INPP4B: variants seen among roughly 807,000 people sequenced by gnomAD.
The protein encoded by INPP4B is inositol polyphosphate 4-phosphatase type II.
INPP4B carries 55 observed loss-of-function variants against 122.5 expected under a neutral mutation model. That is an observed-to-expected ratio of 0.45 (90% CI 0.36 to 0.56). The LOEUF (loss-of-function observed/expected upper bound fraction) is 0.56. INPP4B is among the 20% of genes least tolerant of loss of function. The pLI, the probability that INPP4B is intolerant of heterozygous loss-of-function variation, is 0.00. For missense variants in INPP4B, 1,000 were observed against 1,097.7 expected (o/e 0.91, Z 1.26); for synonymous variants, 403 against 388.7 (o/e 1.04, Z -0.43).
At chr4:142,649,823 C>A (rs934097373) in intron 2 of INPP4B, among the ~76,000 whole-genome samples, 75 of 152,168 alleles carry the variant, frequency 4.9e-4, no homozygotes, top group African/African-American at 1.8e-3. Flanking sequence ...CTTCCCCAAC[C>A]TAGCAAAGCA....
At chr4:142,088,410 A>T (rs1777852366) in intron 23 of INPP4B, among the ~76,000 whole-genome samples, 1 of 152,266 alleles carries the variant, frequency 6.6e-6, no homozygotes, top group African/African-American at 2.4e-5. Context: ...AATTATGTAC[A>T]GGTATATCGG....
intron 1 of INPP4B, among the ~76,000 whole-genome samples, chr4:142,729,932 T>A (rs1341269471): frequency 6.6e-6 from 1 of 151,370 alleles, no homozygotes; most frequent in Non-Finnish European, 1.5e-5. Flanking sequence ...CACCACCTCA[T>A]CTTTGGTCTT....
chr4:142,222,361 C>T (rs955687816), intron 12 of INPP4B, among the ~76,000 whole-genome samples: 6 of 152,130 alleles, frequency 3.9e-5, no homozygotes, highest in Non-Finnish European at 8.8e-5. Context: ...AAATGTAATC[C>T]ATCACCAAGT....
intron 25 of INPP4B, among the ~76,000 whole-genome samples, chr4:142,056,245 C>T (rs1423079157): frequency 2.0e-5 from 3 of 152,006 alleles, no homozygotes; most frequent in Non-Finnish European, 2.9e-5. Context: ...GGAACCCCTG[C>T]TTTAACCAAA....
At chr4:142,072,259 T>C (rs1456752414) in intron 25 of INPP4B, among the ~76,000 whole-genome samples, 1 of 151,910 alleles carries the variant, frequency 6.6e-6, no homozygotes, top group Non-Finnish European at 1.5e-5. Context: ...CACCACATGT[T>C]CTCACTCGTA....
In INPP4B at chr4:142,727,165, G is replaced by A. The variant is rs144704955; in HGVS notation, c.-253-1264C>T. On this transcript the variant is annotated intron_variant, in intron 1 of 25. Coordinates refer to ENST00000262992, the MANE Select transcript of INPP4B (RefSeq NM_001101669.3). ...CCTTCTGGGTCTTTCAGGCTGGTGG[G>A]TGAAAAAGATTGAATAGCAGTATTT... Among the ~76,000 whole-genome samples, 377 of 152,256 alleles carry A rather than the reference G, an allele frequency of 2.5e-3. 5 individuals are homozygous for A. Among genetic ancestry groups the A allele is most frequent in the East Asian group, 0.019 (96 of 5,166 alleles).
At position 142,085,506 on chromosome 4, in the gene INPP4B, C is replaced by T. The variant is rs543800728; in HGVS notation, c.2487+638G>A. On this transcript the variant is annotated intron_variant, in intron 24 of 25. Transcript: ENST00000262992. ...AAATTTCATGTGAGCTATGCCTCAA[C>T]GGTTACCAGATAAGAGCCTTAAAAA... Among the ~76,000 whole-genome samples the T allele has an allele frequency of 3.3e-5, 5 of 152,232 alleles. No homozygotes were observed. The East Asian group carries it at 5.8e-4, about 18-fold the overall frequency.
At chr4:142,497,453 A>AT (rs1199761314) in intron 2 of INPP4B, among the ~76,000 whole-genome samples, 1 of 152,176 alleles carries the variant, frequency 6.6e-6, no homozygotes, top group African/African-American at 2.4e-5. Flanking sequence ...AAAACCTCAA[A>AT]TTTATACAGA....
intron 12 of INPP4B, among the ~76,000 whole-genome samples, chr4:142,222,680 A>G (rs959925909): frequency 2.6e-5 from 4 of 152,226 alleles, no homozygotes; most frequent in Non-Finnish European, 5.9e-5. Context: ...CTGAAGCCTG[A>G]GTATTATTCC....
intron 1 of INPP4B, among the ~76,000 whole-genome samples, chr4:142,766,475 A>T (rs1476058452): frequency 6.6e-6 from 1 of 151,720 alleles, no homozygotes; most frequent in African/African-American, 2.4e-5. Context: ...ACCTCAAGTG[A>T]TTCTCCTGCC....
chr4:142,062,209 T>C (rs1465754098), intron 25 of INPP4B, among the ~76,000 whole-genome samples: 2 of 151,964 alleles, frequency 1.3e-5, no homozygotes, highest in Non-Finnish European at 2.9e-5. Flanking sequence ...CAAGGGAACA[T>C]CCTATGGCAT....
At chr4:142,588,386 G>T (rs1736687098) in intron 2 of INPP4B, among the ~76,000 whole-genome samples, 1 of 151,600 alleles carries the variant, frequency 6.6e-6, no homozygotes, top group African/African-American at 2.4e-5. Flanking sequence ...TAAATGACAT[G>T]ACTTATATGT....
At chr4:142,434,805 A>G (rs1398100851) in intron 3 of INPP4B, among the ~76,000 whole-genome samples, 3 of 152,134 alleles carry the variant, frequency 2.0e-5, no homozygotes, top group Non-Finnish European at 4.4e-5. Flanking sequence ...AGGGTGTCCA[A>G]TCTTTTGGCT....
intron 25 of INPP4B, among the ~76,000 whole-genome samples, chr4:142,050,004 T>G (rs1186080611): frequency 6.6e-6 from 1 of 151,996 alleles, no homozygotes; most frequent in Non-Finnish European, 1.5e-5. Context: ...TAAAGGCCTA[T>G]GTTCTTATCC....
At chr4:142,128,431 G>T (rs1799681416) in intron 18 of INPP4B, among the ~76,000 whole-genome samples, 1 of 151,760 alleles carries the variant, frequency 6.6e-6, no homozygotes, top group Non-Finnish European at 1.5e-5. Flanking sequence ...AGCTAAGGGT[G>T]CCCCACAATA....
intron 7 of INPP4B, among the ~76,000 whole-genome samples, chr4:142,329,096 C>T (rs1201526480): frequency 6.6e-6 from 1 of 152,208 alleles, no homozygotes; most frequent in Non-Finnish European, 1.5e-5. Context: ...GGAATAATCA[C>T]TTTATGAACT....
At chr4:142,051,330 C>T (rs912829627) in intron 25 of INPP4B, among the ~76,000 whole-genome samples, 8 of 151,870 alleles carry the variant, frequency 5.3e-5, no homozygotes, top group African/African-American at 1.7e-4. Flanking sequence ...GACAGACTTT[C>T]CTATACAGTA....
At chr4:142,265,652 C>G (rs1742378661) in intron 10 of INPP4B, among the ~76,000 whole-genome samples, 1 of 152,118 alleles carries the variant, frequency 6.6e-6, no homozygotes, top group Admixed American at 6.5e-5. Flanking sequence ...GTTACTTTAT[C>G]AAAAATTTGC....
chr4:142,051,758 T>G (rs1754736247), intron 25 of INPP4B, among the ~76,000 whole-genome samples: 2 of 152,044 alleles, frequency 1.3e-5, no homozygotes, highest in Admixed American at 6.6e-5. Context: ...GTCACAAAGC[T>G]AAGTAGAAAA....
Sources: allele counts gnomAD v4.1 joint callset (sites outside exome capture counted in the v4.1 genomes callset), GRCh38; gene constraint gnomAD v4.1.1; transcripts MANE v1.5; gene names NCBI Gene and HGNC (gene_info 2026-07-23, HGNC 2026-07-21).